FCRL4: variants seen among roughly 807,000 people sequenced by gnomAD.
FCRL4 encodes the protein Fc receptor-like protein 4.
FCRL4 carries 43 observed loss-of-function variants against 64.1 expected under a neutral mutation model. The observed-to-expected ratio is 0.67, with a 90% CI of 0.53 to 0.87. The LOEUF (loss-of-function observed/expected upper bound fraction) is 0.87. Among genes scored for constraint, FCRL4 ranks in the 40% least tolerant of loss-of-function variants. The probability of loss-of-function intolerance (pLI) is 0.00; values close to 1 mark genes in which losing one functional copy is unlikely to be tolerated. For synonymous variants in FCRL4, 253 were observed against 239.8 expected (o/e 1.05, Z -0.51); for missense variants, 656 against 613.5 (o/e 1.07, Z -0.73).
intron 6 of FCRL4, among the ~76,000 whole-genome samples, chr1:157,583,929 A>G (rs1652617575): frequency 6.6e-6 from 1 of 152,190 alleles, no homozygotes; most frequent in East Asian, 1.9e-4. Context: ...TTAATCTTTG[A>G]GATCATCTGT....
chr1:157,596,111 GT>G (rs1652957406), intron 2 of FCRL4, among the ~76,000 whole-genome samples: 1 of 152,132 alleles, frequency 6.6e-6, no homozygotes, highest in African/African-American at 2.4e-5. Context: ...GCCCTGCCAT[GT>G]TTAGCCAGCA....
chr1:157,577,027 G>C (rs768996429), intron 10 of FCRL4, among the ~76,000 whole-genome samples: 3 of 152,196 alleles, frequency 2.0e-5, no homozygotes, highest in Non-Finnish European at 2.9e-5. Flanking sequence ...AAGAAATAGA[G>C]AGAATTGCTT....
At position 157,597,894 on chromosome 1, in the gene FCRL4, G is replaced by A. The variant is rs1241752794; in HGVS notation, c.31+20C>T. The A allele has an allele frequency of 1.9e-6, 3 of 1,610,306 alleles. No homozygotes were observed. Among genetic ancestry groups the A allele is most frequent in the Non-Finnish European group, 2.5e-6 (3 of 1,177,164 alleles). ...AGGCTCAGCTTTGCAGCAAGCAAAG[G>A]TCTCCTCCCCATCACTTACCAAAGG... On this transcript the variant is annotated intron_variant, in intron 1 of 11. Coordinates refer to ENST00000271532, the MANE Select transcript of FCRL4 (RefSeq NM_031282.3).
Position 157,574,683 on chromosome 1 carries a change from G to A in FCRL4, c.*841C>T, listed in dbSNP as rs1571132207. 1 of 212,162 alleles carries A rather than the reference G, an allele frequency of 4.7e-6. No individual in the cohort carries two copies. Among genetic ancestry groups the A allele is most frequent in the Admixed American group, 5.8e-5 (1 of 17,106 alleles). 13.1% of individuals were successfully genotyped at this position (212,162 alleles called of 1,614,324 possible). ...TCTGCAAGGAGTGCTTATTGCTAAG[G>A]GGTTGGTAATTATTTCAGTGAACAG... On this transcript the variant is annotated 3_prime_UTR_variant, in exon 12 of 12. Transcript: ENST00000271532.
At chr1:157,586,478 G>T in intron 5 of FCRL4, 23 bp from the exon 6 acceptor site, 1 of 1,585,708 alleles carries the variant, frequency 6.3e-7, no homozygotes. Context: ...GAGACCACAG[G>T]TGGGGGTCGG....
intron 4 of FCRL4, 34 bp from the exon 5 acceptor site, chr1:157,587,594 G>A (rs779478630): frequency 2.2e-5 from 36 of 1,601,338 alleles, no homozygotes; most frequent in Non-Finnish European, 3.0e-5. Context: ...TTCTGAGCAC[G>A]AGAGTATTTA....
intron 2 of FCRL4, among the ~76,000 whole-genome samples, chr1:157,593,292 C>T (rs1319217431): frequency 6.6e-6 from 1 of 152,080 alleles, no homozygotes; most frequent in Non-Finnish European, 1.5e-5. Context: ...TCCTGGGAAC[C>T]ACCTTTTTGA....
intron 7 of FCRL4, among the ~76,000 whole-genome samples, chr1:157,580,956 A>C (rs1652545096): frequency 6.6e-6 from 1 of 152,242 alleles, no homozygotes; most frequent in African/African-American, 2.4e-5. Flanking sequence ...AGCACGCAGC[A>C]AACAGTGCCT....
At chr1:157,586,768 T>C (rs1272192525) in intron 5 of FCRL4, among the ~76,000 whole-genome samples, 1 of 152,238 alleles carries the variant, frequency 6.6e-6, no homozygotes, top group Non-Finnish European at 1.5e-5. Context: ...GCAGCCATCA[T>C]GGCACTAGGC....
intron 4 of FCRL4, 64 bp from the exon 5 acceptor site, chr1:157,587,624 T>A: frequency 6.5e-7 from 1 of 1,533,566 alleles, no homozygotes; most frequent in Admixed American, 1.8e-5. Context: ...GAGAGACAGG[T>A]TTGGATGCTC....
chr1:157,583,379 C>G (rs1294830061), intron 6 of FCRL4, among the ~76,000 whole-genome samples: 2 of 152,156 alleles, frequency 1.3e-5, no homozygotes, highest in African/African-American at 2.4e-5. Context: ...TCAGTCCATG[C>G]TATGGATTGA....
chr1:157,576,418 T>A (rs548465329), intron 10 of FCRL4, among the ~76,000 whole-genome samples: 1 of 152,316 alleles, frequency 6.6e-6, no homozygotes, highest in African/African-American at 2.4e-5. Flanking sequence ...CAGATATTTT[T>A]AATAATATGA....
chr1:157,581,733 G>T, intron 6 of FCRL4, 89 bp from the exon 7 acceptor site: 1 of 998,046 alleles, frequency 1.0e-6, no homozygotes, highest in Non-Finnish European at 1.5e-6. Context: ...AACGAGCCCT[G>T]GAAGAGAGAA....
chr1:157,588,344 T>G (rs1243750998), intron 3 of FCRL4, among the ~76,000 whole-genome samples: 1 of 152,164 alleles, frequency 6.6e-6, no homozygotes, highest in Non-Finnish European at 1.5e-5. Context: ...ATTCCAAAGA[T>G]AAGGAGTCTA....
At chr1:157,576,225 T>C (rs1347170642) in intron 10 of FCRL4, among the ~76,000 whole-genome samples, 1 of 152,200 alleles carries the variant, frequency 6.6e-6, no homozygotes, top group Non-Finnish European at 1.5e-5. Flanking sequence ...GCAGATGTGA[T>C]TTGGTGAACC....
chr1:157,595,338 G>A (rs1557793867), intron 2 of FCRL4, among the ~76,000 whole-genome samples: 1 of 152,244 alleles, frequency 6.6e-6, no homozygotes, highest in African/African-American at 2.4e-5. Context: ...GAAGCACCTG[G>A]ATGCAGGGCC....
rs954012937 is a variant in FCRL4, at chr1:157,574,354, G to A, written c.*1170C>T. 1 of 212,390 alleles carries A rather than the reference G, an allele frequency of 4.7e-6. No homozygotes were observed. The highest frequency in any genetic ancestry group is 5.8e-5 in the Admixed American group (1 of 17,098). 13.2% of individuals were successfully genotyped at this position (212,390 alleles called of 1,614,324 possible). On this transcript the variant is annotated 3_prime_UTR_variant, in exon 12 of 12. Coordinates refer to ENST00000271532, the MANE Select transcript of FCRL4 (RefSeq NM_031282.3). ...GCATTTTCTATAAAACAAGTATTCAGTTAGAAAGACTTGAATGGATTCAGT... is the reference window on the plus strand; with the variant it reads ...GCATTTTCTATAAAACAAGTATTCAATTAGAAAGACTTGAATGGATTCAGT...
chr1:157,589,873 T>A (rs1230904955), intron 2 of FCRL4, among the ~76,000 whole-genome samples: 1 of 152,210 alleles, frequency 6.6e-6, no homozygotes, highest in Non-Finnish European at 1.5e-5. Context: ...AGATGCCATC[T>A]CCAGATTTGT....
At chr1:157,584,809 G>A (rs1054246375) in intron 6 of FCRL4, among the ~76,000 whole-genome samples, 8 of 152,148 alleles carry the variant, frequency 5.3e-5, no homozygotes, top group East Asian at 1.9e-4. Context: ...GGCTTTGACC[G>A]TCAGAGCTGA....
Sources: gnomAD v4.1 joint callset for allele counts (sites outside exome capture counted in the v4.1 genomes callset) on GRCh38, gnomAD v4.1.1 for gene constraint, MANE v1.5 for transcripts, NCBI Gene and HGNC (gene_info 2026-07-23, HGNC 2026-07-21) for gene names.